The following SIX1 variants were observed in gnomAD, a reference collection of about 807,000 sequenced individuals.
The protein encoded by SIX1 is SIX homeobox 1.
A neutral mutation model predicts 26.5 loss-of-function variants in SIX1; 11 were observed. The observed-to-expected ratio is 0.41, with a 90% CI of 0.26 to 0.69. SIX1 has a LOEUF of 0.69. Ranked by LOEUF, SIX1 falls within the 30% of genes least tolerant of loss-of-function variation. The pLI is 0.28. For missense variants in SIX1, 333 were observed against 365.9 expected (o/e 0.91, Z 0.73); for synonymous variants, 177 against 166.2 (o/e 1.06, Z -0.50).
At position 60,648,071 on chromosome 14, in the gene SIX1, T is replaced by G. The variant is rs890657923; in HGVS notation, c.560+559A>C. Among the ~76,000 whole-genome samples the G allele has an allele frequency of 6.6e-6, 1 of 152,166 alleles. No homozygotes were observed. The highest frequency in any genetic ancestry group is 1.5e-5 in the Non-Finnish European group (1 of 68,022). ...TCCCCAAAGCTCTCTTTTTGTTGTA[T>G]CTTTAAAAGTCTCCTCCATTTGTCC... On this transcript the variant is annotated intron_variant, in intron 1 of 1. Coordinates refer to ENST00000645694, the MANE Select transcript of SIX1 (RefSeq NM_005982.4). This position sits in a 1 kb window ranked among gnomAD's most constrained non-coding sequence, Gnocchi z 7.9.
Position 60,646,540 on chromosome 14 carries a change from G to C in SIX1, c.598C>G (p.Gln200Glu). The C allele has an allele frequency of 6.2e-7, 1 of 1,608,352 alleles. No individual in the cohort carries two copies. Among genetic ancestry groups the C allele is most frequent in the Non-Finnish European group, 8.5e-7 (1 of 1,178,878 alleles). Residue 200 changes from glutamine to glutamate, a missense_variant, in exon 2 of 2, where the codon CAG (glutamine) becomes GAG (glutamate). Gln to Glu is a conservative substitution (Grantham distance 29). Coordinates refer to ENST00000645694, the MANE Select transcript of SIX1 (RefSeq NM_005982.4). ...CCTTCCAGAGGAGAGAGTTGGTTCT[G>C]CTTGTTGGAGGAGGAGTTATTGTTT... ...TENNNSSSNK[Q>E]NQLSPLEGGK... is the part of the protein sequence containing the mutation.
rs754666770 is a variant in SIX1 at position 60,646,355 on chromosome 14, C to T, written c.783G>A (p.Gln261=). The T allele has an allele frequency of 6.2e-7, 1 of 1,613,904 alleles. No homozygotes were observed. The highest frequency in any genetic ancestry group is 1.7e-5 in the Admixed American group (1 of 59,980). ...LTASQPSHGL[Q]THQHQLQDSL... ...AGTCTTGGAGCTGATGCTGGTGGGT[C>T]TGCAGGCCGTGACTGGGCTGCGAGG... The change falls in exon 2 of 2, where the codon CAG becomes CAA. Residue 261 remains glutamine, a synonymous_variant. Coordinates refer to ENST00000645694, the MANE Select transcript of SIX1 (RefSeq NM_005982.4).
chr14:60,649,023 A>C lies in SIX1; in HGVS notation c.167T>G (p.Val56Gly). ...ACGGAAGTTGCCGCGGTGGAAGGCG[A>C]CCACCGCCTTGGCCTTGAGTACGCT... ...NESVLKAKAV[V>G]AFHRGNFREL... The change falls in exon 1 of 2, where the codon GTC (valine) becomes GGC (glycine). Residue 56 changes from valine to glycine, a missense_variant. By Grantham distance (109) the Val-to-Gly change is moderately radical. Around this residue, in one of 3 missense-constraint regions of SIX1, gnomAD observed 133 missense variants for 131.8 expected, o/e 1.01. Transcript: ENST00000645694. This position sits in a 1 kb window ranked among gnomAD's most constrained non-coding sequence, Gnocchi z 5.1. The C allele has an allele frequency of 6.2e-7, 1 of 1,613,930 alleles. No individual in the cohort carries two copies. The highest frequency in any genetic ancestry group is 8.5e-7 in the Non-Finnish European group (1 of 1,179,990).
intron 1 of SIX1, 53 bp from the exon 2 acceptor site, chr14:60,646,630 A>T (rs1190985438): frequency 1.9e-6 from 2 of 1,078,226 alleles, no homozygotes; most frequent in Non-Finnish European, 2.6e-6. Flanking sequence ...AAAAAAAAAA[A>T]GTAGGTTAAA....
Position 60,649,374 on chromosome 14 carries a change from A to G in SIX1, c.-185T>C, listed in dbSNP as rs745791461. On this transcript the variant is annotated 5_prime_UTR_variant, in exon 1 of 2. Coordinates refer to ENST00000645694, the MANE Select transcript of SIX1 (RefSeq NM_005982.4). This position sits in a 1 kb window ranked among gnomAD's most constrained non-coding sequence, Gnocchi z 5.1. ...GCCAAGGAAGAGAAGGCGGAGGAGT[A>G]GGGGAGGTTCTGGACACGGAACGGC... 26 of 602,942 alleles carry G rather than the reference A, an allele frequency of 4.3e-5. No homozygotes were observed. The highest frequency in any genetic ancestry group is 7.6e-5 in the Non-Finnish European group (26 of 341,540). The allele number at this position is 602,942 out of a possible 1,614,324, so 37.3% of individuals were successfully genotyped here.
In SIX1 at chr14:60,644,548, G is replaced by T. The variant is rs1894908258; in HGVS notation, c.*1735C>A. 6.6e-6 allele frequency: 1 copy of T among 152,112 alleles called. No homozygotes were observed. Among genetic ancestry groups the T allele is most frequent in the African/African-American group, 2.4e-5 (1 of 41,424 alleles). The allele number at this position is 152,112 out of a possible 1,614,324, so 9.4% of individuals were successfully genotyped here. A position where few individuals can be genotyped will look rare whatever the true frequency, so the allele number is the denominator to read the frequency against. On this transcript the variant is annotated 3_prime_UTR_variant, in exon 2 of 2. Coordinates refer to ENST00000645694, the MANE Select transcript of SIX1 (RefSeq NM_005982.4). ...AAGCACACCTCAGTTTTCTAGACCA[G>T]AACAGAAATAGGAAAGAGTAAGAAA...
At chr14:60,646,769 C>A (rs554384063) in intron 1 of SIX1, among the ~76,000 whole-genome samples, 192 bp from the exon 2 acceptor site, 2 of 152,172 alleles carry the variant, frequency 1.3e-5, no homozygotes, top group Admixed American at 1.3e-4. Flanking sequence ...GGTGAGGAGT[C>A]AGAGGAACCT....
rs1380307135 is a variant in SIX1, at chr14:60,646,079, T to C, written c.*204A>G. 5.9e-6 allele frequency: 3 copies of C among 508,454 alleles called. No individual in the cohort carries two copies. In the East Asian group the frequency reaches 9.5e-5, roughly 16 times the overall value. 31.5% of individuals were successfully genotyped at this position (508,454 alleles called of 1,614,324 possible). A position where few individuals can be genotyped will look rare whatever the true frequency, so the allele number is the denominator to read the frequency against. On this transcript the variant is annotated 3_prime_UTR_variant, in exon 2 of 2. Coordinates refer to ENST00000645694, the MANE Select transcript of SIX1 (RefSeq NM_005982.4). ...AAGGAAAATGCAAAAGTGGAAAGAGTTGGAGAGAAGAGGAGATTAAGCTTG... is the reference window on the plus strand; with the variant it reads ...AAGGAAAATGCAAAAGTGGAAAGAGCTGGAGAGAAGAGGAGATTAAGCTTG...
chr14:60,646,586 T>TA lies in SIX1; in HGVS notation c.561-10dup, dbSNP rs1566721217. The stretch of plus-strand genomic sequence containing the variant: ...TGTTTTCGGTGTTCTCCCTAAGAAA[T>TA]AGAGGACAACACCATATGGTTAAAA... On this transcript the variant is annotated splice_polypyrimidine_tract_variant and intron_variant, in intron 1 of 1. Coordinates refer to ENST00000645694, the MANE Select transcript of SIX1 (RefSeq NM_005982.4). 5 of 1,330,298 alleles carry TA rather than the reference T, an allele frequency of 3.8e-6. No individual in the cohort carries two copies. The highest frequency in any genetic ancestry group is 5.4e-5 in the East Asian group (2 of 37,180). The allele number at this position is 1,330,298 out of a possible 1,614,324, so 82.4% of individuals were successfully genotyped here.
chr14:60,646,626 AAAAAGT>A, intron 1 of SIX1, 49 bp from the exon 2 acceptor site: 11 of 1,436,220 alleles, frequency 7.7e-6, no homozygotes, highest in East Asian at 2.3e-5. Context: ...AAAAAAAAAA[AAAAAGT>A]AGGTTAAAAA....
At position 60,646,352 on chromosome 14, in the gene SIX1, G is replaced by T. The variant is rs1285797304; in HGVS notation, c.786C>A (p.Thr262=). Residue 262 remains threonine (T), a synonymous_variant, in exon 2 of 2, where the codon ACC becomes ACA. Coordinates refer to ENST00000645694, the MANE Select transcript of SIX1 (RefSeq NM_005982.4). ...GAGAGTCTTGGAGCTGATGCTGGTGGGTCTGCAGGCCGTGACTGGGCTGCG... is the reference window on the plus strand; with the variant it reads ...GAGAGTCTTGGAGCTGATGCTGGTGTGTCTGCAGGCCGTGACTGGGCTGCG... ...TASQPSHGLQ[T]HQHQLQDSLL... is the part of the protein sequence containing the mutation. 5.6e-6 allele frequency: 9 copies of T among 1,614,052 alleles called. No individual in the cohort carries two copies. Among genetic ancestry groups the T allele is most frequent in the Middle Eastern group, 1.7e-4 (1 of 6,050 alleles).
At position 60,646,258 on chromosome 14, in the gene SIX1, C is replaced by T. The variant is rs1894937976; in HGVS notation, c.*25G>A. ...GCAGTGGTTGCTGCTCCAGGAATCCCTTCGAGGCCCCAGTCCCTCCCCACT... is the reference window on the plus strand; with the variant it reads ...GCAGTGGTTGCTGCTCCAGGAATCCTTTCGAGGCCCCAGTCCCTCCCCACT... On this transcript the variant is annotated 3_prime_UTR_variant, in exon 2 of 2. Transcript: ENST00000645694. The T allele has an allele frequency of 1.2e-6, 2 of 1,607,644 alleles. No individual in the cohort carries two copies. Among genetic ancestry groups the T allele is most frequent in the African/African-American group, 2.7e-5 (2 of 74,874 alleles).
rs564608572 is a variant in SIX1, at chr14:60,644,705, C to T, written c.*1578G>A. The T allele has an allele frequency of 6.6e-6, 1 of 152,298 alleles. No homozygotes were observed. The highest frequency in any genetic ancestry group is 6.5e-5 in the Admixed American group (1 of 15,296). The allele number at this position is 152,298 out of a possible 1,614,324, so 9.4% of individuals were successfully genotyped here. On this transcript the variant is annotated 3_prime_UTR_variant, in exon 2 of 2. Coordinates refer to ENST00000645694, the MANE Select transcript of SIX1 (RefSeq NM_005982.4). ...AGCACAAGCAAGCCAATCCTGTTATCCTGAGTAGAATTTTAATAAATAATG... is the reference window on the plus strand; with the variant it reads ...AGCACAAGCAAGCCAATCCTGTTATTCTGAGTAGAATTTTAATAAATAATG...
In SIX1 at chr14:60,647,353, C is replaced by T. The variant is rs1894966383; in HGVS notation, c.561-776G>A. ...TCTCAAACTTCCTACCAACACCCAC[C>T]CCAACCCATCCTTTCTGGGCAGGGG... On this transcript the variant is annotated intron_variant, in intron 1 of 1. Transcript: ENST00000645694. The surrounding 1 kb of genome is among the most constrained non-coding windows in gnomAD (Gnocchi z 5.1). Among the ~76,000 whole-genome samples, 1 of 152,222 alleles carries T rather than the reference C, an allele frequency of 6.6e-6. No individual in the cohort carries two copies. The highest frequency in any genetic ancestry group is 6.5e-5 in the Admixed American group (1 of 15,286).
At position 60,647,205 on chromosome 14, in the gene SIX1, T is replaced by C. The variant is rs528500322; in HGVS notation, c.561-628A>G. On this transcript the variant is annotated intron_variant, in intron 1 of 1. Transcript: ENST00000645694. The surrounding 1 kb of genome is among the most constrained non-coding windows in gnomAD (Gnocchi z 5.1). ...CAGGGAGCGCAGCCAGTCTCTGATTTCATCTGGAGTCGGCCCTCGGGCCTG... is the reference window on the plus strand; with the variant it reads ...CAGGGAGCGCAGCCAGTCTCTGATTCCATCTGGAGTCGGCCCTCGGGCCTG... Among the ~76,000 whole-genome samples, 1 of 152,272 alleles carries C rather than the reference T, an allele frequency of 6.6e-6. No individual in the cohort carries two copies. The highest frequency in any genetic ancestry group is 2.1e-4 in the South Asian group (1 of 4,824).
Position 60,644,575 on chromosome 14 carries a change from AAAT to A in SIX1, c.*1705_*1707del. 6.6e-6 allele frequency: 1 copy of A among 152,240 alleles called. No homozygotes were observed. Among genetic ancestry groups the A allele is most frequent in the South Asian group, 2.1e-4 (1 of 4,828 alleles). The allele number at this position is 152,240 out of a possible 1,614,324, so 9.4% of individuals were successfully genotyped here. A position where few individuals can be genotyped will look rare whatever the true frequency, so the allele number is the denominator to read the frequency against. On this transcript the variant is annotated 3_prime_UTR_variant, in exon 2 of 2. Coordinates refer to ENST00000645694, the MANE Select transcript of SIX1 (RefSeq NM_005982.4). ...ACAGAAATAGGAAAGAGTAAGAAAG[AAAT>A]AATATATTAATGGTGACAATTATAG...
chr14:60,648,296 G>C lies in SIX1; in HGVS notation c.560+334C>G, dbSNP rs1894987372. 6.6e-6 allele frequency among the ~76,000 whole-genome samples: 1 copy of C among 152,096 alleles called. No individual in the cohort carries two copies. The highest frequency in any genetic ancestry group is 1.5e-5 in the Non-Finnish European group (1 of 68,034). ...GACACCAATCAACATTTCACTGCCC[G>C]TTGATTTAGAAACTCACTCTCCACC... is the stretch of plus-strand genomic sequence containing the variant. On this transcript the variant is annotated intron_variant, in intron 1 of 1. Transcript: ENST00000645694. The surrounding 1 kb of genome is among the most constrained non-coding windows in gnomAD (Gnocchi z 7.9).
chr14:60,648,692 G>T lies in SIX1; in HGVS notation c.498C>A (p.Thr166=). The part of the protein sequence containing the change: ...ELAEATGLTT[T]QVSNWFKNRR... ...GGTTCTTAAACCAGTTGCTGACCTG[G>T]GTGGTGGTGAGGCCGGTGGCCTCGG... Residue 166 remains threonine, a synonymous_variant, in exon 1 of 2, where the codon ACC becomes ACA. Coordinates refer to ENST00000645694, the MANE Select transcript of SIX1 (RefSeq NM_005982.4). This position sits in a 1 kb window ranked among gnomAD's most constrained non-coding sequence, Gnocchi z 7.9. 6.2e-7 allele frequency: 1 copy of T among 1,614,128 alleles called. No homozygotes were observed. The highest frequency in any genetic ancestry group is 1.1e-5 in the South Asian group (1 of 91,080).
Position 60,649,354 on chromosome 14 carries a change from G to A in SIX1, c.-165C>T, listed in dbSNP as rs1478216404. 3 of 626,280 alleles carry A rather than the reference G, an allele frequency of 4.8e-6. No individual in the cohort carries two copies. Among genetic ancestry groups the A allele is most frequent in the African/African-American group, 3.7e-5 (2 of 54,176 alleles). The allele number at this position is 626,280 out of a possible 1,614,324, so 38.8% of individuals were successfully genotyped here. ...TCGGAACTTGGCGGTGGGCGGCCAAGGAAGAGAAGGCGGAGGAGTAGGGGA... is the reference window on the plus strand; with the variant it reads ...TCGGAACTTGGCGGTGGGCGGCCAAAGAAGAGAAGGCGGAGGAGTAGGGGA... On this transcript the variant is annotated 5_prime_UTR_variant, in exon 1 of 2. Transcript: ENST00000645694. This position sits in a 1 kb window ranked among gnomAD's most constrained non-coding sequence, Gnocchi z 5.1.
Sources: allele counts gnomAD v4.1 joint callset (sites outside exome capture counted in the v4.1 genomes callset), GRCh38; gene constraint gnomAD v4.1.1; regional missense constraint gnomAD v4.1.1; non-coding constraint Gnocchi (gnomAD v3.1); transcripts MANE v1.5; gene names NCBI Gene and HGNC (gene_info 2026-07-23, HGNC 2026-07-21).